Variants in GALNT13 observed in about 807,000 individuals in gnomAD.
The protein encoded by GALNT13 is polypeptide N-acetylgalactosaminyltransferase 13, also known as UDP-GalNAc:polypeptide N-acetylgalactosaminyltransferase 13.
A neutral mutation model predicts 64.2 loss-of-function variants in GALNT13; 28 were observed. The ratio of observed to expected loss-of-function variants is 0.44; its 90% CI spans 0.32 to 0.60. The LOEUF is 0.60. GALNT13 is among the 20% of genes least tolerant of loss of function. The probability of loss-of-function intolerance (pLI) is 0.05; values close to 1 mark genes in which losing one functional copy is unlikely to be tolerated. For synonymous variants in GALNT13, 214 were observed against 224.6 expected (o/e 0.95, Z 0.42); for missense variants, 577 against 669.8 (o/e 0.86, Z 1.53).
At chr2:153,194,491 T>G in the GALNT13 span, among the ~76,000 whole-genome samples, 1 of 152,184 alleles carries the variant, frequency 6.6e-6, no homozygotes, top group African/African-American at 2.4e-5. Context: ...ATTGTTCTGA[T>G]TTTTTTGTAT....
the GALNT13 span, among the ~76,000 whole-genome samples, chr2:153,288,064 G>C: frequency 6.6e-6 from 1 of 152,100 alleles, no homozygotes; most frequent in Non-Finnish European, 1.5e-5. Context: ...CTACTTTCTG[G>C]GGCATAGTTG....
At chr2:153,080,074 T>C in the GALNT13 span, among the ~76,000 whole-genome samples, 2 of 152,216 alleles carry the variant, frequency 1.3e-5, no homozygotes, top group Non-Finnish European at 2.9e-5. Context: ...TTTATTCTGA[T>C]TGTCATTTCC....
At chr2:153,743,792 C>A in the GALNT13 span, among the ~76,000 whole-genome samples, 1 of 151,870 alleles carries the variant, frequency 6.6e-6, no homozygotes, top group Non-Finnish European at 1.5e-5. Context: ...TTTTTTGTAC[C>A]CATTAACCTT....
the GALNT13 span, among the ~76,000 whole-genome samples, chr2:153,127,130 T>C: frequency 6.6e-6 from 1 of 151,480 alleles, no homozygotes; most frequent in Non-Finnish European, 1.5e-5. Flanking sequence ...TGCGTTGGCA[T>C]GGACAATGGA....
chr2:153,547,265 GA>G, the GALNT13 span, among the ~76,000 whole-genome samples: 3 of 152,184 alleles, frequency 2.0e-5, no homozygotes, highest in African/African-American at 4.8e-5. Flanking sequence ...CAACTGAGAA[GA>G]TACCTTTTTA....
the GALNT13 span, among the ~76,000 whole-genome samples, chr2:153,315,742 C>A: frequency 6.6e-6 from 1 of 152,136 alleles, no homozygotes; most frequent in Non-Finnish European, 1.5e-5. Context: ...TATACGTTCT[C>A]TTTAAGTGCA....
the GALNT13 span, among the ~76,000 whole-genome samples, chr2:153,630,805 ATATTTTTT>A: frequency 0.016 from 245 of 14,974 alleles, no homozygotes; most frequent in Non-Finnish European, 0.021. Context: ...ATATATATAT[ATATTTTTT>A]TTTTTTTTTT....
At chr2:153,508,476 A>G in the GALNT13 span, among the ~76,000 whole-genome samples, 2 of 152,104 alleles carry the variant, frequency 1.3e-5, no homozygotes, top group Non-Finnish European at 2.9e-5. Context: ...TAAGTCATAC[A>G]GGTCACCAGG....
the GALNT13 span, among the ~76,000 whole-genome samples, chr2:153,513,967 T>TA: frequency 6.6e-6 from 1 of 152,216 alleles, no homozygotes; most frequent in Non-Finnish European, 1.5e-5. Flanking sequence ...TTGTAGTTTC[T>TA]AAAAGATCTT....
At chr2:153,688,870 A>G in the GALNT13 span, among the ~76,000 whole-genome samples, 8 of 151,796 alleles carry the variant, frequency 5.3e-5, no homozygotes, top group African/African-American at 1.7e-4. Context: ...TCCCAGTTTT[A>G]GTGTCTGTTA....
At chr2:153,146,815 T>A in the GALNT13 span, among the ~76,000 whole-genome samples, 1 of 151,926 alleles carries the variant, frequency 6.6e-6, no homozygotes, top group Non-Finnish European at 1.5e-5. Context: ...CATAGTGCCA[T>A]GTGCTGGTCA....
At chr2:153,557,367 C>T in the GALNT13 span, among the ~76,000 whole-genome samples, 5 of 152,162 alleles carry the variant, frequency 3.3e-5, no homozygotes, top group Non-Finnish European at 5.9e-5. Context: ...AACAGTGCAT[C>T]TGTTTTTAAA....
chr2:153,309,565 G>A, the GALNT13 span, among the ~76,000 whole-genome samples: 1 of 151,152 alleles, frequency 6.6e-6, no homozygotes, highest in African/African-American at 2.4e-5. Context: ...TGCTCTCCTT[G>A]ATTTCCAAAA....
chr2:153,738,723 A>G, the GALNT13 span, among the ~76,000 whole-genome samples: 2 of 151,944 alleles, frequency 1.3e-5, no homozygotes, highest in Non-Finnish European at 2.9e-5. Context: ...CACATATGCA[A>G]TAGAGTTTTT....
intron 8 of GALNT13, among the ~76,000 whole-genome samples, chr2:154,279,025 A>G (rs1396567226): frequency 6.6e-6 from 1 of 151,442 alleles, no homozygotes; most frequent in East Asian, 1.9e-4. Context: ...CTAAAAAGAA[A>G]AAGAAAGGGA....
chr2:154,400,214 A>C (rs1699238148), intron 10 of GALNT13, among the ~76,000 whole-genome samples: 1 of 152,162 alleles, frequency 6.6e-6, no homozygotes, highest in Non-Finnish European at 1.5e-5. Context: ...AAAATGTAAA[A>C]AGGTAATCTT....
At chr2:153,710,023 C>G in the GALNT13 span, among the ~76,000 whole-genome samples, 3 of 151,948 alleles carry the variant, frequency 2.0e-5, no homozygotes, top group Admixed American at 2.0e-4. Context: ...GGTACAAAGC[C>G]TCAGGCAGAA....
At chr2:154,399,004 A>G (rs546018468) in intron 10 of GALNT13, among the ~76,000 whole-genome samples, 2 of 152,336 alleles carry the variant, frequency 1.3e-5, no homozygotes, top group East Asian at 3.9e-4. Context: ...CTAGTTAACT[A>G]TTGAAGTTAG....
chr2:153,815,843 A>G, the GALNT13 span, among the ~76,000 whole-genome samples: 1 of 152,206 alleles, frequency 6.6e-6, no homozygotes, highest in South Asian at 2.1e-4. Flanking sequence ...TTGTATTAAG[A>G]AAAGTCTTCA....
Sources: allele counts gnomAD v4.1 joint callset (sites outside exome capture counted in the v4.1 genomes callset), GRCh38; gene constraint gnomAD v4.1.1; transcripts MANE v1.5; gene names NCBI Gene and HGNC (gene_info 2026-07-23, HGNC 2026-07-21).